The following TMCC1 variants were observed in gnomAD, a reference collection of about 807,000 sequenced individuals.
TMCC1 encodes transmembrane and coiled-coil domains protein 1.
Under a neutral mutation model 52.4 loss-of-function variants are expected in TMCC1, and 15 were observed. The ratio of observed to expected loss-of-function variants is 0.29; its 90% confidence interval spans 0.19 to 0.44. The LOEUF (loss-of-function observed/expected upper bound fraction) is 0.44. TMCC1 is among the 20% of genes least tolerant of loss of function. TMCC1 has a pLI of 1.00. For missense variants in TMCC1, 503 were observed against 806.0 expected (o/e 0.62, Z 4.55); for synonymous variants, 279 against 301.9 (o/e 0.92, Z 0.79).
chr3:129,773,889 G>A (rs1030646084), intron 4 of TMCC1, among the ~76,000 whole-genome samples: 9 of 152,110 alleles, frequency 5.9e-5, no homozygotes, highest in African/African-American at 1.9e-4. Flanking sequence ...GTGGCAGTGA[G>A]CCATGATTGT....
At chr3:129,701,876 A>G (rs1364653619) in intron 4 of TMCC1, among the ~76,000 whole-genome samples, 4 of 152,186 alleles carry the variant, frequency 2.6e-5, no homozygotes, top group Non-Finnish European at 5.9e-5. Context: ...TGGGCCAGGT[A>G]ATTTCCAAGT....
chr3:129,822,780 G>A (rs911829267), intron 4 of TMCC1, among the ~76,000 whole-genome samples: 5 of 152,110 alleles, frequency 3.3e-5, no homozygotes, highest in Non-Finnish European at 7.3e-5. Context: ...GTAAAATCAG[G>A]AGTTTGATTA....
At chr3:129,851,854 A>G (rs1014040756) in intron 2 of TMCC1, among the ~76,000 whole-genome samples, 2 of 152,230 alleles carry the variant, frequency 1.3e-5, no homozygotes, top group African/African-American at 4.8e-5. Flanking sequence ...TTCAGCCTTC[A>G]AAAGGAAAAA....
chr3:129,705,605 CTTTTT>C (rs1277305226), intron 4 of TMCC1, among the ~76,000 whole-genome samples: 8,154 of 138,814 alleles, frequency 0.059, 310 homozygotes, highest in Middle Eastern at 0.15. Context: ...ATTTGAAACA[CTTTTT>C]TTTTTTTTTT....
At chr3:129,815,938 G>C (rs2058074073) in intron 4 of TMCC1, among the ~76,000 whole-genome samples, 1 of 152,148 alleles carries the variant, frequency 6.6e-6, no homozygotes, top group Non-Finnish European at 1.5e-5. Flanking sequence ...GATCTGAATA[G>C]TCATTTCTCA....
chr3:129,786,940 A>G (rs2056079333), intron 4 of TMCC1, among the ~76,000 whole-genome samples: 1 of 152,186 alleles, frequency 6.6e-6, no homozygotes, highest in Non-Finnish European at 1.5e-5. Flanking sequence ...AATTATCCAG[A>G]CCTGGCTAGA....
intron 4 of TMCC1, among the ~76,000 whole-genome samples, chr3:129,685,727 C>T (rs1035676158): frequency 2.0e-5 from 3 of 152,192 alleles, no homozygotes; most frequent in Non-Finnish European, 4.4e-5. Context: ...GCAGTACGAT[C>T]TCCTTTGGGA....
At position 129,860,682 on chromosome 3, in the gene TMCC1, C is replaced by T. The variant is rs372687355; in HGVS notation, c.-184+19627G>A. 5.3e-5 allele frequency among the ~76,000 whole-genome samples: 8 copies of T among 152,114 alleles called. No homozygotes were observed. In the East Asian group the frequency reaches 1.5e-3, roughly 29 times the overall value. ...TGGTGCGATCTCAGCTCACTGCTAC[C>T]TCTGCCTCCCCTGTTCAAAGGATTC... On this transcript the variant is annotated intron_variant, in intron 2 of 6. Coordinates refer to ENST00000393238, the MANE Select transcript of TMCC1 (RefSeq NM_001017395.5).
intron 4 of TMCC1, among the ~76,000 whole-genome samples, chr3:129,782,338 G>C (rs942114444): frequency 4.6e-5 from 7 of 152,148 alleles, no homozygotes; most frequent in Admixed American, 1.3e-4. Context: ...GACTGAGATT[G>C]AGTGACTAGT....
At chr3:129,783,316 T>A (rs561292329) in intron 4 of TMCC1, among the ~76,000 whole-genome samples, 11 of 152,342 alleles carry the variant, frequency 7.2e-5, no homozygotes, top group South Asian at 6.2e-4. Flanking sequence ...TACTGATGTT[T>A]ATGCAGGAGT....
At chr3:129,671,784 A>G (rs2087966793) in intron 4 of TMCC1, among the ~76,000 whole-genome samples, 1 of 152,226 alleles carries the variant, frequency 6.6e-6, no homozygotes, top group Non-Finnish European at 1.5e-5. Flanking sequence ...TTTTTATCAT[A>G]ATGATTTTTA....
intron 4 of TMCC1, among the ~76,000 whole-genome samples, chr3:129,797,815 G>C (rs1039503820): frequency 6.6e-6 from 1 of 152,148 alleles, no homozygotes; most frequent in African/African-American, 2.4e-5. Flanking sequence ...ATATCTAAGT[G>C]TATTTTTTGT....
chr3:129,854,966 A>G (rs1159738034), intron 2 of TMCC1, among the ~76,000 whole-genome samples: 1 of 152,344 alleles, frequency 6.6e-6, no homozygotes, highest in East Asian at 1.9e-4. Flanking sequence ...GTGTTGCATG[A>G]ATGAACAAAT....
rs768220228 is a variant in TMCC1 at position 129,655,095 on chromosome 3, C to T, written c.1520G>A (p.Arg507Gln). 37 of 1,613,434 alleles carry T rather than the reference C, an allele frequency of 2.3e-5. No individual in the cohort carries two copies. The highest frequency in any genetic ancestry group is 2.8e-5 in the Non-Finnish European group (33 of 1,179,932). Reference protein sequence around the residue: ...TLQEERYRCERLEEQLNDLTE... With the variant: ...TLQEERYRCEQLEEQLNDLTE... ...TAGGTCATTTAGCTGTTCTTCCAAT[C>T]GTTCACATCTAAGGAGAAAAAAAAA... is the stretch of plus-strand genomic sequence containing the variant. Residue 507 changes from arginine to glutamine, a missense_variant, in exon 6 of 7, where the codon CGA (arginine) becomes CAA (glutamine). Arg to Gln is a conservative substitution (Grantham distance 43). Around this residue, in one of 7 missense-constraint regions of TMCC1, gnomAD observed 121 missense variants for 193.6 expected, o/e 0.62. Transcript: ENST00000393238.
At chr3:129,841,234 T>C (rs1327874514) in intron 2 of TMCC1, among the ~76,000 whole-genome samples, 1 of 152,180 alleles carries the variant, frequency 6.6e-6, no homozygotes, top group Non-Finnish European at 1.5e-5. Context: ...ATTTAGAGTA[T>C]CTGGCAGGAG....
rs576956290 is a variant in TMCC1 at position 129,655,311 on chromosome 3, G to C, written c.1512-208C>G. Among the ~76,000 whole-genome samples, 63 of 152,292 alleles carry C rather than the reference G, an allele frequency of 4.1e-4. 1 individual carries two copies. The highest frequency in any genetic ancestry group is 1.5e-3 in the African/African-American group (61 of 41,560). The stretch of plus-strand genomic sequence containing the variant: ...TCAAGGCCAAATCACGTGGCAACAT[G>C]GCTGTTCCATAATCTTTTCAATACA... On this transcript the variant is annotated intron_variant, in intron 5 of 6. Transcript: ENST00000393238.
At chr3:129,855,967 T>C (rs2060130450) in intron 2 of TMCC1, among the ~76,000 whole-genome samples, 1 of 152,130 alleles carries the variant, frequency 6.6e-6, no homozygotes, top group Non-Finnish European at 1.5e-5. Context: ...GTCCTTCAGA[T>C]TCCAAAATGG....
intron 4 of TMCC1, among the ~76,000 whole-genome samples, chr3:129,769,145 C>G (rs2054347872): frequency 2.0e-5 from 3 of 152,236 alleles, no homozygotes; most frequent in Non-Finnish European, 4.4e-5. Flanking sequence ...CAAGCTTGTC[C>G]AACCCATTGC....
At chr3:129,776,035 C>A (rs2055011516) in intron 4 of TMCC1, among the ~76,000 whole-genome samples, 1 of 152,182 alleles carries the variant, frequency 6.6e-6, no homozygotes, top group East Asian at 1.9e-4. Context: ...GTTGTTAGGG[C>A]CTTTGCACTA....
Sources: allele counts gnomAD v4.1 joint callset (sites outside exome capture counted in the v4.1 genomes callset), GRCh38; gene constraint gnomAD v4.1.1; regional missense constraint gnomAD v4.1.1; transcripts MANE v1.5; gene names NCBI Gene and HGNC (gene_info 2026-07-23, HGNC 2026-07-21).